The following MTCL2 variants were observed in gnomAD, a reference collection of about 807,000 sequenced individuals.
MTCL2 encodes microtubule cross-linking factor 2.
the MTCL2 span, among the ~76,000 whole-genome samples, chr20:36,813,869 C>T: frequency 1.0e-3 from 156 of 152,160 alleles, no homozygotes; most frequent in African/African-American, 3.4e-3. Flanking sequence ...TCAAACCTCC[C>T]GCATGCTCAG....
chr20:36,785,071 C>G, the MTCL2 span: 1 of 985,480 alleles, frequency 1.0e-6, no homozygotes, highest in South Asian at 4.7e-5. Flanking sequence ...AGCCCTCCAC[C>G]TTGTCAGTGA....
At chr20:36,792,652 T>C in the MTCL2 span, among the ~76,000 whole-genome samples, 2 of 152,064 alleles carry the variant, frequency 1.3e-5, no homozygotes, top group African/African-American at 4.8e-5. Flanking sequence ...TGGCAGTCTC[T>C]GGTGGGTGGA....
At chr20:36,800,289 T>C in the MTCL2 span, among the ~76,000 whole-genome samples, 1 of 152,190 alleles carries the variant, frequency 6.6e-6, no homozygotes, top group Non-Finnish European at 1.5e-5. Context: ...TTTAGAAACA[T>C]TTTGTTGTTA....
the MTCL2 span, chr20:36,778,005 C>A: frequency 2.0e-6 from 1 of 493,904 alleles, no homozygotes; most frequent in Non-Finnish European, 3.6e-6. Context: ...AAGGGAGAAA[C>A]AGTCAGGGTC....
At chr20:36,808,820 G>T in the MTCL2 span, 1 of 1,355,200 alleles carries the variant, frequency 7.4e-7, no homozygotes. Context: ...CTGGACAGGG[G>T]CAGGGAGGAA....
the MTCL2 span, chr20:36,862,851 G>A: frequency 8.0e-7 from 1 of 1,252,306 alleles, no homozygotes; most frequent in Non-Finnish European, 1.0e-6. Context: ...CTGCTGCGCG[G>A]AGGGCGCGGG....
chr20:36,819,399 C>G, the MTCL2 span, among the ~76,000 whole-genome samples: 1 of 152,134 alleles, frequency 6.6e-6, no homozygotes, highest in East Asian at 1.9e-4. Flanking sequence ...AGCCACTGAT[C>G]TAATCTGAGT....
chr20:36,813,863 A>G, the MTCL2 span, among the ~76,000 whole-genome samples: 2 of 151,912 alleles, frequency 1.3e-5, no homozygotes, highest in African/African-American at 4.8e-5. Context: ...TGAAGATCAA[A>G]CCTCCCGCAT....
chr20:36,854,456 C>T, the MTCL2 span, among the ~76,000 whole-genome samples: 2 of 152,208 alleles, frequency 1.3e-5, no homozygotes, highest in South Asian at 4.1e-4. Flanking sequence ...GAGGAAGAAA[C>T]CAAGGGAAGG....
At chr20:36,781,393 G>A in the MTCL2 span, 4 of 152,062 alleles carry the variant, frequency 2.6e-5, no homozygotes, top group South Asian at 2.1e-4. Flanking sequence ...AAAATTAGTC[G>A]GGTGTGGTGG....
the MTCL2 span, chr20:36,794,743 C>T: frequency 9.7e-7 from 1 of 1,028,362 alleles, no homozygotes; most frequent in East Asian, 2.5e-5. This position sits in a 1 kb window ranked among gnomAD's most constrained non-coding sequence, Gnocchi z 5.4. Flanking sequence ...TTGTTGGTGC[C>T]CAGTCCCACA....
At chr20:36,859,765 C>A in the MTCL2 span, 2 of 1,231,628 alleles carry the variant, frequency 1.6e-6, no homozygotes, top group African/African-American at 3.1e-5. Context: ...GTGGGACCTC[C>A]TTCAACTCTG....
At chr20:36,807,239 T>C in the MTCL2 span, among the ~76,000 whole-genome samples, 1 of 152,238 alleles carries the variant, frequency 6.6e-6, no homozygotes, top group South Asian at 2.1e-4. Flanking sequence ...GATAGGGTGA[T>C]GCAGGGTCTT....
the MTCL2 span, among the ~76,000 whole-genome samples, chr20:36,813,313 T>TAAAAAAAAAAAA: frequency 5.0e-4 from 21 of 41,898 alleles, 5 homozygotes; most frequent in African/African-American, 2.6e-3. Context: ...ACTGTTTCTT[T>TAAAAAAAAAAAA]AAAAAAAAAA....
the MTCL2 span, chr20:36,785,316 G>T: frequency 3.0e-6 from 3 of 985,418 alleles, no homozygotes; most frequent in Non-Finnish European, 2.4e-6. Flanking sequence ...CCAGTGGCAA[G>T]AATGCATGTT....
At chr20:36,818,871 G>C in the MTCL2 span, among the ~76,000 whole-genome samples, 1 of 152,212 alleles carries the variant, frequency 6.6e-6, no homozygotes, top group African/African-American at 2.4e-5. Context: ...AAATAGGCTA[G>C]AGATATGAAA....
chr20:36,821,769 A>G, the MTCL2 span, among the ~76,000 whole-genome samples: 5 of 152,372 alleles, frequency 3.3e-5, no homozygotes, highest in Admixed American at 1.3e-4. Context: ...ACATATATGT[A>G]TACATAGAAA....
At chr20:36,834,173 A>C in the MTCL2 span, among the ~76,000 whole-genome samples, 2 of 151,706 alleles carry the variant, frequency 1.3e-5, no homozygotes, top group Non-Finnish European at 2.9e-5. Context: ...AAAAAAAAAA[A>C]AAAAAAGAAA....
chr20:36,793,216 T>A, the MTCL2 span: 2 of 1,530,864 alleles, frequency 1.3e-6, no homozygotes. This position sits in a 1 kb window ranked among gnomAD's most constrained non-coding sequence, Gnocchi z 6.8. Context: ...TAACTCCACC[T>A]ACTAAGAGAA....
Sources: gnomAD v4.1 joint callset for allele counts (sites outside exome capture counted in the v4.1 genomes callset) on GRCh38, gnomAD v4.1.1 for gene constraint, Gnocchi (gnomAD v3.1) non-coding constraint, MANE v1.5 for transcripts, NCBI Gene and HGNC (gene_info 2026-07-23, HGNC 2026-07-21) for gene names.